Variants in BPHL observed in about 807,000 individuals in gnomAD.
The protein encoded by BPHL is biphenyl hydrolase like, also known as serine hydrolase BPHL.
A neutral mutation model predicts 31.2 loss-of-function variants in BPHL; 27 were observed. That is an observed-to-expected ratio of 0.87 (90% CI 0.64 to 1.19). The LOEUF is 1.19. BPHL is among the 50% of genes most tolerant of loss of function. The probability of loss-of-function intolerance (pLI) is 0.00; values close to 1 mark genes in which losing one functional copy is unlikely to be tolerated. For missense variants in BPHL, 356 were observed against 375.7 expected (o/e 0.95, Z 0.43); for synonymous variants, 150 against 146.8 (o/e 1.02, Z -0.16).
Position 3,118,994 on chromosome 6 carries a change from GA to G in BPHL, c.107+148del, listed in dbSNP as rs537902824. On this transcript the variant is annotated intron_variant, in intron 1 of 6. Coordinates refer to ENST00000380379, the MANE Select transcript of BPHL (RefSeq NM_004332.4). The stretch of plus-strand genomic sequence containing the variant: ...GCTGCCCTGTCGCCCTTTGTGCCGC[GA>G]GACCCCGATCCTGGGGGCCAGCCGC... 1.7e-3 allele frequency: 1,232 copies of G among 714,484 alleles called. 22 individuals carry two copies. The African/African-American group carries it at 0.021, about 12-fold the overall frequency. 44.3% of individuals were successfully genotyped at this position (714,484 alleles called of 1,614,324 possible). A position where few individuals can be genotyped will look rare whatever the true frequency, so the allele number is the denominator to read the frequency against.
At position 3,140,426 on chromosome 6, in the gene BPHL, C is replaced by T. The variant is rs200713081; in HGVS notation, c.705C>T (p.Pro235=). 5.9e-5 allele frequency: 96 copies of T among 1,614,140 alleles called. 1 individual carries two copies. In the East Asian group the frequency reaches 1.9e-3, roughly 33 times the overall value. The change falls in exon 6 of 7, where the codon CCC becomes CCT. Residue 235 remains proline (P), a synonymous_variant. Coordinates refer to ENST00000380379, the MANE Select transcript of BPHL (RefSeq NM_004332.4). This position sits in a 1 kb window ranked among gnomAD's most constrained non-coding sequence, Gnocchi z 5.2. ...ACCTGCTGCCCCGGGTCCAGTGCCC[C>T]GCCTTGATTGTGCACGGTGAGAAGG... ...CRHLLPRVQC[P]ALIVHGEKDP...
At chr6:3,147,230 C>T (rs1762409834) in intron 6 of BPHL, among the ~76,000 whole-genome samples, 1 of 152,024 alleles carries the variant, frequency 6.6e-6, no homozygotes, top group South Asian at 2.1e-4. Flanking sequence ...CACAGCGCTC[C>T]AGCCTGGGTG....
rs964395253 is a variant in BPHL at position 3,152,654 on chromosome 6, ACT to A, written c.*83_*84del. ...TGCCTGTTAACATGATGCCTTTGAAACTCTCCGCCTTTGAAACTTTCTACCCC... is the reference window on the plus strand; with the variant it reads ...TGCCTGTTAACATGATGCCTTTGAAACTCCGCCTTTGAAACTTTCTACCCC... On this transcript the variant is annotated 3_prime_UTR_variant, in exon 7 of 7. Transcript: ENST00000380379. 17 of 1,271,526 alleles carry A rather than the reference ACT, an allele frequency of 1.3e-5. No homozygotes were observed. The African/African-American group carries it at 2.3e-4, about 17-fold the overall frequency. The allele number at this position is 1,271,526 out of a possible 1,614,324, so 78.8% of individuals were successfully genotyped here.
At chr6:3,151,300 C>G (rs1479182606) in intron 6 of BPHL, among the ~76,000 whole-genome samples, 1 of 152,220 alleles carries the variant, frequency 6.6e-6, no homozygotes, top group Non-Finnish European at 1.5e-5. Flanking sequence ...GATCCTATCT[C>G]TGGGGTGGGT....
intron 4 of BPHL, among the ~76,000 whole-genome samples, chr6:3,132,184 T>G (rs1761890572): frequency 6.6e-6 from 1 of 152,228 alleles, no homozygotes; most frequent in South Asian, 2.1e-4. Context: ...CCCGCCAGTG[T>G]GCTAGAGACC....
In BPHL at chr6:3,118,733, C is replaced by G. The variant is rs1231447516; in HGVS notation, c.-8C>G. 5.6e-6 allele frequency: 7 copies of G among 1,260,706 alleles called. No homozygotes were observed. The highest frequency in any genetic ancestry group is 1.5e-5 in the African/African-American group (1 of 64,586). 78.1% of individuals were successfully genotyped at this position (1,260,706 alleles called of 1,614,324 possible). ...TGCGCACTCCCGGCAGCTACGCGACCTGTGACCATGGTGGCTGTGCTGGGC... is the reference window on the plus strand; with the variant it reads ...TGCGCACTCCCGGCAGCTACGCGACGTGTGACCATGGTGGCTGTGCTGGGC... On this transcript the variant is annotated 5_prime_UTR_variant, in exon 1 of 7. Coordinates refer to ENST00000380379, the MANE Select transcript of BPHL (RefSeq NM_004332.4).
intron 6 of BPHL, among the ~76,000 whole-genome samples, chr6:3,148,869 G>C (rs1762451990): frequency 6.6e-6 from 1 of 152,204 alleles, no homozygotes; most frequent in African/African-American, 2.4e-5. Flanking sequence ...CCTCCAGTTG[G>C]AGGTGTTGTG....
At position 3,137,303 on chromosome 6, in the gene BPHL, T is replaced by TA. The variant is rs1762038467; in HGVS notation, c.533-56dup. 3.1e-6 allele frequency: 5 copies of TA among 1,590,996 alleles called. No individual in the cohort carries two copies. The Admixed American group carries it at 6.9e-5, about 22-fold the overall frequency. On this transcript the variant is annotated intron_variant, in intron 4 of 6. Coordinates refer to ENST00000380379, the MANE Select transcript of BPHL (RefSeq NM_004332.4). Reference sequence around the variant, plus strand: ...AGAAGTGGCTCTTGCTCAGAATACTTAAAGACAATACTTTAGTATGAAATT... The same window carrying TA: ...AGAAGTGGCTCTTGCTCAGAATACTTAAAAGACAATACTTTAGTATGAAATT...
Position 3,138,170 on chromosome 6 carries a change from C to G in BPHL, c.664+677C>G, listed in dbSNP as rs1156872982. ...AGTAGCTGGGACCACAGGCGTGCAC[C>G]ACCACACAGGCACATTTTTTTTGTA... On this transcript the variant is annotated intron_variant, in intron 5 of 6. Coordinates refer to ENST00000380379, the MANE Select transcript of BPHL (RefSeq NM_004332.4). The G allele has an allele frequency of 8.0e-6, 3 of 376,152 alleles. No individual in the cohort carries two copies. The Admixed American group carries it at 1.2e-4, about 15-fold the overall frequency. The allele number at this position is 376,152 out of a possible 1,614,324, so 23.3% of individuals were successfully genotyped here. A position where few individuals can be genotyped will look rare whatever the true frequency, so the allele number is the denominator to read the frequency against.
chr6:3,138,462 G>A (rs1019708663), intron 5 of BPHL: 2 of 154,708 alleles, frequency 1.3e-5, no homozygotes, highest in African/African-American at 4.8e-5. Flanking sequence ...AGAAAATAGA[G>A]TAGCTAAGAT....
intron 6 of BPHL, among the ~76,000 whole-genome samples, chr6:3,148,271 C>G (rs956690753): frequency 4.6e-5 from 7 of 152,204 alleles, no homozygotes; most frequent in Admixed American, 4.6e-4. Context: ...TAGTTACTCT[C>G]CTCTGTCTGG....
chr6:3,127,260 T>C lies in BPHL; in HGVS notation c.230T>C (p.Phe77Ser). 6.4e-7 allele frequency: 1 copy of C among 1,561,676 alleles called. No individual in the cohort carries two copies. Among genetic ancestry groups the C allele is most frequent in the Admixed American group, 1.8e-5 (1 of 55,684 alleles). Residue 77 changes from phenylalanine to serine, a missense_variant, in exon 3 of 7, where the codon TTT becomes TCT. Physicochemically the swap from Phe to Ser is radical, Grantham distance 155. Coordinates refer to ENST00000380379, the MANE Select transcript of BPHL (RefSeq NM_004332.4). The part of the protein sequence containing the change: ...PGMLGSGETD[F>S]GPQLKNLNKK... Reference sequence around the variant, plus strand: ...TTTTTAGGAAGTGGAGAGACTGATTTTGGACCTCAGCTCAAGAACCTCAAT... The same window carrying C: ...TTTTTAGGAAGTGGAGAGACTGATTCTGGACCTCAGCTCAAGAACCTCAAT...
At chr6:3,129,009 A>G (rs1166797745) in intron 3 of BPHL, 36 bp from the exon 4 acceptor site, 1 of 1,614,134 alleles carries the variant, frequency 6.2e-7, no homozygotes, top group Admixed American at 1.7e-5. Flanking sequence ...GAGAGGAGCA[A>G]TAACCCGTGC....
intron 1 of BPHL, 99 bp downstream of exon 1, chr6:3,118,946 G>C (rs1335749221): frequency 1.6e-5 from 16 of 1,029,588 alleles, no homozygotes; most frequent in Middle Eastern, 7.1e-4. Context: ...CGGCGCGCGG[G>C]CACGGGGCGT....
chr6:3,123,456 C>T (rs1761627847), intron 1 of BPHL, among the ~76,000 whole-genome samples: 1 of 152,200 alleles, frequency 6.6e-6, no homozygotes, highest in Admixed American at 6.5e-5. Flanking sequence ...TCGTCTCAAA[C>T]ATTTATCATG....
chr6:3,122,603 C>T (rs1026341065), intron 1 of BPHL, among the ~76,000 whole-genome samples: 1 of 152,220 alleles, frequency 6.6e-6, no homozygotes, highest in African/African-American at 2.4e-5. Context: ...GGCATTATGC[C>T]TGTCCTGAGG....
At chr6:3,125,387 A>T (rs1369625585) in intron 2 of BPHL, among the ~76,000 whole-genome samples, 1 of 149,276 alleles carries the variant, frequency 6.7e-6, no homozygotes, top group Non-Finnish European at 1.5e-5. Context: ...CATGATTCCA[A>T]TATTAAAAAA....
At chr6:3,138,753 C>T (rs1451996819) in intron 5 of BPHL, 2 of 152,136 alleles carry the variant, frequency 1.3e-5, no homozygotes, top group Non-Finnish European at 2.9e-5. Context: ...GACAGTTCTC[C>T]ATTAAAGAGG....
intron 1 of BPHL, among the ~76,000 whole-genome samples, chr6:3,122,160 G>A (rs893961548): frequency 6.6e-6 from 1 of 152,072 alleles, no homozygotes; most frequent in Non-Finnish European, 1.5e-5. Flanking sequence ...GGTGCCTGTA[G>A]TCCCAGCTAC....
Sources: allele counts gnomAD v4.1 joint callset (sites outside exome capture counted in the v4.1 genomes callset), GRCh38; gene constraint gnomAD v4.1.1; non-coding constraint Gnocchi (gnomAD v3.1); transcripts MANE v1.5; gene names NCBI Gene and HGNC (gene_info 2026-07-23, HGNC 2026-07-21).